The following KCNH1 variants were observed in gnomAD, a reference collection of about 807,000 sequenced individuals.
KCNH1 encodes potassium voltage-gated channel subfamily H member 1.
A neutral mutation model predicts 69.2 loss-of-function variants in KCNH1; 27 were observed. That is an observed-to-expected ratio of 0.39 (90% CI 0.29 to 0.54). The LOEUF is 0.54. Ranked by LOEUF, KCNH1 falls within the 20% of genes least tolerant of loss-of-function variation. The probability of loss-of-function intolerance (pLI) is 0.68; values close to 1 mark genes in which losing one functional copy is unlikely to be tolerated. For missense variants in KCNH1, 798 were observed against 1,261.6 expected, an observed-to-expected ratio of 0.63 and a Z score of 5.57; for synonymous variants, 456 against 487.7, an observed-to-expected ratio of 0.93 and a Z score of 0.86.
intron 7 of KCNH1, among the ~76,000 whole-genome samples, chr1:210,883,986 A>G (rs1686549432): frequency 6.6e-6 from 1 of 152,222 alleles, no homozygotes; most frequent in South Asian, 2.1e-4. Context: ...ACAATGATTC[A>G]TCAGCCTCTC....
At chr1:210,998,810 G>C (rs1689107199) in intron 6 of KCNH1, among the ~76,000 whole-genome samples, 2 of 152,102 alleles carry the variant, frequency 1.3e-5, no homozygotes. Flanking sequence ...ACAACAAACT[G>C]TCTCTCACAC....
intron 10 of KCNH1, among the ~76,000 whole-genome samples, chr1:210,711,053 TG>T (rs1220959419): frequency 1.3e-5 from 2 of 152,144 alleles, no homozygotes; most frequent in Non-Finnish European, 2.9e-5. Context: ...TTCAGTCCAC[TG>T]TGAACTGGCT....
intron 7 of KCNH1, among the ~76,000 whole-genome samples, chr1:210,827,718 G>A (rs141099377): frequency 6.6e-6 from 1 of 152,256 alleles, no homozygotes; most frequent in Non-Finnish European, 1.5e-5. Flanking sequence ...GAACATAATG[G>A]TAGTTAGGAG....
At chr1:210,899,490 GAT>G (rs34889899) in intron 7 of KCNH1, among the ~76,000 whole-genome samples, 72,869 of 150,570 alleles carry the variant, frequency 0.48, 19,467 homozygotes, top group African/African-American at 0.73. Context: ...TCACTTATGA[GAT>G]ATATATATAT....
intron 5 of KCNH1, among the ~76,000 whole-genome samples, chr1:211,040,375 G>A (rs796999550): frequency 6.6e-6 from 1 of 152,188 alleles, no homozygotes; most frequent in African/African-American, 2.4e-5. Flanking sequence ...TAATTGAATT[G>A]TGGGAGCCAT....
intron 6 of KCNH1, among the ~76,000 whole-genome samples, chr1:211,008,362 C>A (rs924178007): frequency 1.4e-4 from 22 of 152,342 alleles, no homozygotes; most frequent in Admixed American, 1.4e-3. Context: ...AACTGCCCAG[C>A]TGAGCCAAGC....
At chr1:210,751,929 A>C (rs1256694839) in intron 10 of KCNH1, among the ~76,000 whole-genome samples, 3 of 152,044 alleles carry the variant, frequency 2.0e-5, no homozygotes, top group Non-Finnish European at 4.4e-5. Context: ...GAGAAGAGAG[A>C]GATTCCAGCT....
At chr1:210,900,139 GAT>G (rs1686963880) in intron 7 of KCNH1, among the ~76,000 whole-genome samples, 1 of 152,210 alleles carries the variant, frequency 6.6e-6, no homozygotes, top group Non-Finnish European at 1.5e-5. Flanking sequence ...AGAAGAGAGA[GAT>G]AGTGAAAAGG....
intron 5 of KCNH1, among the ~76,000 whole-genome samples, chr1:211,049,579 G>T (rs1690156012): frequency 6.6e-6 from 1 of 152,166 alleles, no homozygotes; most frequent in Admixed American, 6.5e-5. Flanking sequence ...ATGTGCCCTT[G>T]ATGCACAGGT....
chr1:211,001,564 T>C (rs972351438), intron 6 of KCNH1, among the ~76,000 whole-genome samples: 5 of 152,138 alleles, frequency 3.3e-5, no homozygotes, highest in Non-Finnish European at 5.9e-5. Flanking sequence ...ACACTGTTGG[T>C]GGGACTGTAA....
At chr1:210,950,363 T>TCCCCC (rs1463128315) in intron 6 of KCNH1, among the ~76,000 whole-genome samples, 2 of 24,680 alleles carry the variant, frequency 8.1e-5, no homozygotes, top group Non-Finnish European at 6.1e-5. Context: ...ATGCTATCCC[T>TCCCCC]CCCCCCTCCC....
In KCNH1 at chr1:210,904,564, C is replaced by A. The variant is rs143441194; in HGVS notation, c.1462+15076G>T. On this transcript the variant is annotated intron_variant, in intron 7 of 10. Transcript: ENST00000271751. ...GGCAGGCTCTGGAGCCCAGGCTGCA[C>A]GGAGACTGGCCACCTTCTTGCACTT... is the stretch of plus-strand genomic sequence containing the variant. Among the ~76,000 whole-genome samples the A allele has an allele frequency of 1.1e-4, 16 of 152,308 alleles. No individual in the cohort carries two copies. The East Asian group carries it at 2.5e-3, about 24-fold the overall frequency.
At chr1:210,831,675 C>T (rs770916938) in intron 7 of KCNH1, among the ~76,000 whole-genome samples, 10 of 152,164 alleles carry the variant, frequency 6.6e-5, no homozygotes, top group Admixed American at 1.3e-4. Flanking sequence ...TAAATATTTC[C>T]CCTCTTAGAC....
At chr1:210,742,820 G>A (rs1440303938) in intron 10 of KCNH1, among the ~76,000 whole-genome samples, 2 of 152,086 alleles carry the variant, frequency 1.3e-5, no homozygotes, top group Non-Finnish European at 2.9e-5. Flanking sequence ...TACGAACGAG[G>A]AGGCTCAGTT....
chr1:210,754,121 A>T (rs1343630827), intron 10 of KCNH1, among the ~76,000 whole-genome samples: 1 of 151,500 alleles, frequency 6.6e-6, no homozygotes, highest in Non-Finnish European at 1.5e-5. Context: ...GGGTTTCACC[A>T]TGTTAGCCAG....
intron 10 of KCNH1, among the ~76,000 whole-genome samples, chr1:210,774,447 G>A (rs1683821523): frequency 6.6e-6 from 1 of 152,092 alleles, no homozygotes. Flanking sequence ...AGAGGGGGAA[G>A]CAGCATCAAC....
chr1:210,774,445 A>T (rs1340125), intron 10 of KCNH1, among the ~76,000 whole-genome samples: 1 of 152,012 alleles, frequency 6.6e-6, no homozygotes, highest in Non-Finnish European at 1.5e-5. Context: ...AGAGAGGGGG[A>T]AGCAGCATCA....
intron 6 of KCNH1, among the ~76,000 whole-genome samples, chr1:211,014,258 A>G (rs776894556): frequency 7.2e-5 from 11 of 152,208 alleles, no homozygotes; most frequent in Non-Finnish European, 1.5e-4. Context: ...CACGAAGCAC[A>G]CTAGCCCAAC....
chr1:210,998,399 T>G (rs1473686136), intron 6 of KCNH1, among the ~76,000 whole-genome samples: 2 of 151,862 alleles, frequency 1.3e-5, no homozygotes, highest in African/African-American at 4.8e-5. Context: ...GCAACAAAGA[T>G]CAAAAGAGAC....
Sources: gnomAD v4.1 joint callset for allele counts (sites outside exome capture counted in the v4.1 genomes callset) on GRCh38, gnomAD v4.1.1 for gene constraint, MANE v1.5 for transcripts, NCBI Gene and HGNC (gene_info 2026-07-23, HGNC 2026-07-21) for gene names.